DCUN1D4: variants seen among roughly 807,000 people sequenced by gnomAD.
DCUN1D4 encodes defective in cullin neddylation 1 domain containing 4.
In DCUN1D4, 22 loss-of-function variants were observed where a neutral mutation model predicts 47.9. That is an observed-to-expected ratio of 0.46 (90% confidence interval 0.33 to 0.66). The LOEUF (loss-of-function observed/expected upper bound fraction) is 0.66, where lower values mean the gene tolerates loss of function less well. Among genes scored for constraint, DCUN1D4 ranks in the 30% least tolerant of loss-of-function variants. DCUN1D4 has a pLI of 0.02. For missense variants in DCUN1D4, 301 were observed against 340.8 expected (o/e 0.88, Z 0.92); for synonymous variants, 121 against 112.2 (o/e 1.08, Z -0.50).
chr4:51,851,632 C>T (rs569584519), intron 1 of DCUN1D4, among the ~76,000 whole-genome samples: 8 of 151,956 alleles, frequency 5.3e-5, no homozygotes, highest in South Asian at 2.1e-4. Flanking sequence ...TGGAAAGGAA[C>T]TGAGAGAAGG....
At chr4:51,877,488 T>C in intron 4 of DCUN1D4, 1 of 203,412 alleles carries the variant, frequency 4.9e-6, no homozygotes. Flanking sequence ...TAGAAGGGAG[T>C]ATATCAAATA....
chr4:51,836,612 T>C, the DCUN1D4 span, among the ~76,000 whole-genome samples: 1 of 152,070 alleles, frequency 6.6e-6, no homozygotes, highest in African/African-American at 2.4e-5. Context: ...TGTAACCCGG[T>C]TGTAGGGTCT....
At chr4:51,910,824 A>T in intron 8 of DCUN1D4, 1 of 535,260 alleles carries the variant, frequency 1.9e-6, no homozygotes. Flanking sequence ...TTGATTTTGC[A>T]TTAGGGTGAT....
chr4:51,887,237 G>A (rs1431000466), intron 6 of DCUN1D4: 1 of 374,218 alleles, frequency 2.7e-6, no homozygotes, highest in African/African-American at 2.2e-5. Context: ...GAGTAGCTGG[G>A]ACTACAGGTG....
At chr4:51,902,246 T>C (rs542421858) in intron 8 of DCUN1D4, among the ~76,000 whole-genome samples, 1 of 152,252 alleles carries the variant, frequency 6.6e-6, no homozygotes, top group Non-Finnish European at 1.5e-5. Flanking sequence ...AATATTCTGC[T>C]GTTGTCAGTG....
intron 7 of DCUN1D4, among the ~76,000 whole-genome samples, chr4:51,897,718 C>T (rs1259995051): frequency 6.6e-6 from 1 of 152,178 alleles, no homozygotes; most frequent in Non-Finnish European, 1.5e-5. Context: ...GTGAGCTGTT[C>T]CATCTTGTGC....
At chr4:51,904,641 T>G (rs1437801817) in intron 8 of DCUN1D4, among the ~76,000 whole-genome samples, 1 of 152,174 alleles carries the variant, frequency 6.6e-6, no homozygotes, top group African/African-American at 2.4e-5. Context: ...TTTATTTTCT[T>G]TTTCTTGGGG....
chr4:51,843,505 G>A lies in DCUN1D4; in HGVS notation c.25+238G>A, dbSNP rs191965735. On this transcript the variant is annotated intron_variant, in intron 1 of 10. Transcript: ENST00000334635. ...CGGGGAGGGCGGAGGTGAGGGGGGT[G>A]GGGACTGGCTCTCTTTCAGTGTTGG... 3.9e-6 allele frequency: 5 copies of A among 1,291,674 alleles called. No individual in the cohort carries two copies. In the Admixed American group the frequency reaches 2.1e-4, roughly 54 times the overall value. The allele number at this position is 1,291,674 out of a possible 1,614,324, so 80.0% of individuals were successfully genotyped here.
chr4:51,891,080 C>T (rs1010177091), intron 6 of DCUN1D4, among the ~76,000 whole-genome samples: 1 of 152,204 alleles, frequency 6.6e-6, no homozygotes, highest in Non-Finnish European at 1.5e-5. Flanking sequence ...AATAATTTCC[C>T]ACCAGTGTAT....
rs1734355251 is a variant in DCUN1D4, at chr4:51,916,681, T to C, written c.*3097T>C. ...ATGCTTCGTGTCGTCAGTATTTGCA[T>C]TACATTCATAAAAGTGTGCAAGTCC... On this transcript the variant is annotated 3_prime_UTR_variant, in exon 11 of 11. Coordinates refer to ENST00000334635, the MANE Select transcript of DCUN1D4 (RefSeq NM_001040402.3). 1.3e-5 allele frequency: 2 copies of C among 152,544 alleles called. No homozygotes were observed. Among genetic ancestry groups the C allele is most frequent in the African/African-American group, 2.4e-5 (1 of 41,438 alleles). 9.4% of individuals were successfully genotyped at this position (152,544 alleles called of 1,614,324 possible). A position where few individuals can be genotyped will look rare whatever the true frequency, so the allele number is the denominator to read the frequency against.
intron 3 of DCUN1D4, among the ~76,000 whole-genome samples, 162 bp from the exon 4 acceptor site, chr4:51,874,109 A>G (rs1394173462): frequency 6.6e-6 from 1 of 152,210 alleles, no homozygotes; most frequent in Non-Finnish European, 1.5e-5. Flanking sequence ...CTTGACCATA[A>G]CATTTTTTCA....
chr4:51,847,264 C>G (rs1296121592), intron 1 of DCUN1D4, among the ~76,000 whole-genome samples: 1 of 152,150 alleles, frequency 6.6e-6, no homozygotes, highest in Non-Finnish European at 1.5e-5. Context: ...TTAGGGGTGA[C>G]TTGCTAAATA....
chr4:51,889,954 T>G (rs1401026804), intron 6 of DCUN1D4, among the ~76,000 whole-genome samples: 2 of 152,210 alleles, frequency 1.3e-5, no homozygotes, highest in African/African-American at 4.8e-5. Context: ...AAAAAAAACC[T>G]AATGACTTTC....
chr4:51,846,122 A>G (rs1054778708), intron 1 of DCUN1D4, among the ~76,000 whole-genome samples: 6 of 152,164 alleles, frequency 3.9e-5, no homozygotes, highest in African/African-American at 1.4e-4. Context: ...CCCAAAGGGC[A>G]GGTGCTTTTT....
upstream of DCUN1D4, among the ~76,000 whole-genome samples, chr4:51,839,888 G>C (rs1332574043): frequency 6.6e-6 from 1 of 152,182 alleles, no homozygotes; most frequent in African/African-American, 2.4e-5. Flanking sequence ...CGTAACATTT[G>C]ATTGAAGAGC....
At chr4:51,884,251 C>G (rs1452528464) in intron 5 of DCUN1D4, 1 of 152,144 alleles carries the variant, frequency 6.6e-6, no homozygotes, top group Non-Finnish European at 1.5e-5. Context: ...TGACGTAAGA[C>G]TTCCCAGCAG....
chr4:51,893,123 G>A (rs961073328), intron 7 of DCUN1D4, among the ~76,000 whole-genome samples: 2 of 152,166 alleles, frequency 1.3e-5, no homozygotes, highest in Non-Finnish European at 1.5e-5. Flanking sequence ...AGAGGGGATC[G>A]GTGATGTGTG....
At chr4:51,852,134 C>T (rs1213255143) in intron 1 of DCUN1D4, among the ~76,000 whole-genome samples, 1 of 152,116 alleles carries the variant, frequency 6.6e-6, no homozygotes, top group African/African-American at 2.4e-5. Flanking sequence ...TCTGGGATTT[C>T]TGAGTCTCTT....
At chr4:51,859,860 C>T (rs1434294754) in intron 1 of DCUN1D4, among the ~76,000 whole-genome samples, 1 of 152,070 alleles carries the variant, frequency 6.6e-6, no homozygotes, top group Non-Finnish European at 1.5e-5. Context: ...GCCGTCTGAT[C>T]ATGGAATGCA....
Sources: allele counts gnomAD v4.1 joint callset (sites outside exome capture counted in the v4.1 genomes callset), GRCh38; gene constraint gnomAD v4.1.1; transcripts MANE v1.5; gene names NCBI Gene and HGNC (gene_info 2026-07-23, HGNC 2026-07-21).